KHDRBS2: variants seen among roughly 807,000 people sequenced by gnomAD.
The protein encoded by KHDRBS2 is KH domain-containing, RNA-binding, signal transduction-associated protein 2.
KHDRBS2 carries 26 observed loss-of-function variants against 44.3 expected under a neutral mutation model. The ratio of observed to expected loss-of-function variants is 0.59; its 90% confidence interval spans 0.43 to 0.81. The LOEUF is 0.81. KHDRBS2 is among the 40% of genes least tolerant of loss of function. KHDRBS2 has a pLI of 0.00. For missense variants in KHDRBS2, 476 were observed against 433.1 expected (o/e 1.10, Z -0.88); for synonymous variants, 194 against 151.1 (o/e 1.28, Z -2.08).
intron 1 of KHDRBS2, among the ~76,000 whole-genome samples, chr6:62,240,759 C>A (rs1214724798): frequency 7.4e-6 from 1 of 134,764 alleles, no homozygotes; most frequent in Non-Finnish European, 1.6e-5. Flanking sequence ...AAAACCTTTA[C>A]CATGGAAATT....
At chr6:62,178,084 A>G (rs1172837461) in intron 1 of KHDRBS2, among the ~76,000 whole-genome samples, 1 of 151,562 alleles carries the variant, frequency 6.6e-6, no homozygotes, top group Non-Finnish European at 1.5e-5. Flanking sequence ...GAACAGTGAG[A>G]AAATGAATAT....
intron 4 of KHDRBS2, among the ~76,000 whole-genome samples, chr6:61,972,615 G>T (rs903414492): frequency 6.6e-6 from 1 of 152,048 alleles, no homozygotes; most frequent in Non-Finnish European, 1.5e-5. Context: ...ATGAAGGAAT[G>T]AAATCTGGAT....
At chr6:62,098,734 C>T (rs1801208015) in intron 2 of KHDRBS2, among the ~76,000 whole-genome samples, 1 of 152,088 alleles carries the variant, frequency 6.6e-6, no homozygotes, top group Non-Finnish European at 1.5e-5. Flanking sequence ...ATTCTTTCTA[C>T]CCCTTTGACA....
At chr6:62,082,751 C>G (rs1212275193) in intron 2 of KHDRBS2, among the ~76,000 whole-genome samples, 1 of 152,028 alleles carries the variant, frequency 6.6e-6, no homozygotes, top group Non-Finnish European at 1.5e-5. Context: ...GACAATAAAG[C>G]TGAAATCTAG....
chr6:62,274,105 T>C (rs1481189170), intron 1 of KHDRBS2, among the ~76,000 whole-genome samples: 11 of 152,006 alleles, frequency 7.2e-5, no homozygotes, highest in Admixed American at 1.3e-4. Context: ...CTGGCTAATT[T>C]TTGTATTTTT....
intron 6 of KHDRBS2, among the ~76,000 whole-genome samples, chr6:61,733,540 G>A (rs147424194): frequency 0.027 from 4,105 of 151,618 alleles, 78 homozygotes; most frequent in Middle Eastern, 0.082. Context: ...AGGTTGCAAT[G>A]AGCTGAGATT....
chr6:62,066,019 T>G (rs12199820), intron 2 of KHDRBS2, among the ~76,000 whole-genome samples: 30,467 of 151,474 alleles, frequency 0.2, 3,661 homozygotes, highest in Admixed American at 0.32. Flanking sequence ...TTTTTCATCC[T>G]GTGTGGAGAG....
chr6:61,788,302 T>C (rs1043677446), intron 6 of KHDRBS2, among the ~76,000 whole-genome samples: 4 of 151,506 alleles, frequency 2.6e-5, no homozygotes, highest in African/African-American at 9.7e-5. Context: ...TTACCACTTC[T>C]AGCTTTTAAA....
At chr6:62,214,354 G>A (rs907927543) in intron 1 of KHDRBS2, among the ~76,000 whole-genome samples, 1 of 152,100 alleles carries the variant, frequency 6.6e-6, no homozygotes, top group Non-Finnish European at 1.5e-5. Context: ...TGTATTATTA[G>A]TTTTTTAAAT....
In KHDRBS2 at chr6:61,781,899, T is replaced by G. The variant is rs1248559606; in HGVS notation, c.811-49135A>C. On this transcript the variant is annotated intron_variant, in intron 6 of 8. Transcript: ENST00000281156. Reference sequence around the variant, plus strand: ...AGAGAAATGAATTGTGTCTAGGGAATGGAAACATGATACTGAGCACCTATA... The same window carrying G: ...AGAGAAATGAATTGTGTCTAGGGAAGGGAAACATGATACTGAGCACCTATA... 2.6e-5 allele frequency among the ~76,000 whole-genome samples: 4 copies of G among 152,146 alleles called. 1 individual carries two copies. The highest frequency in any genetic ancestry group is 9.7e-5 in the African/African-American group (4 of 41,436).
chr6:61,824,532 G>C (rs766359678), intron 6 of KHDRBS2, among the ~76,000 whole-genome samples: 48 of 152,100 alleles, frequency 3.2e-4, no homozygotes, highest in Non-Finnish European at 3.4e-4. Context: ...ACCGAGTCTC[G>C]GGTAGTTCTT....
intron 2 of KHDRBS2, among the ~76,000 whole-genome samples, chr6:62,067,527 G>A (rs4710652): frequency 0.83 from 125,241 of 151,292 alleles, 52,198 homozygotes; most frequent in Admixed American, 0.88. Context: ...ACAGTATAGA[G>A]CCCTCCAGAA....
intron 1 of KHDRBS2, among the ~76,000 whole-genome samples, chr6:62,278,444 C>A (rs1220350709): frequency 6.6e-6 from 1 of 152,026 alleles, no homozygotes; most frequent in Non-Finnish European, 1.5e-5. Flanking sequence ...CATAAAAAAA[C>A]CTTAAAATCA....
At chr6:62,058,496 C>T (rs1386372149) in intron 2 of KHDRBS2, among the ~76,000 whole-genome samples, 1 of 151,850 alleles carries the variant, frequency 6.6e-6, no homozygotes, top group Non-Finnish European at 1.5e-5. Context: ...CTTTAGTGCT[C>T]TATCCTTGTG....
chr6:61,673,533 T>C, the KHDRBS2 span, among the ~76,000 whole-genome samples: 3 of 145,868 alleles, frequency 2.1e-5, no homozygotes, highest in East Asian at 6.1e-4. Context: ...CCCCATCGTC[T>C]CAGCCCAAAA....
chr6:62,040,928 A>T (rs1414474832), intron 3 of KHDRBS2, among the ~76,000 whole-genome samples: 1 of 152,148 alleles, frequency 6.6e-6, no homozygotes, highest in Non-Finnish European at 1.5e-5. Context: ...AATGTCAAAT[A>T]ATTTGCAGCC....
At chr6:62,165,472 A>C (rs1250741691) in intron 2 of KHDRBS2, among the ~76,000 whole-genome samples, 2 of 151,618 alleles carry the variant, frequency 1.3e-5, no homozygotes, top group Non-Finnish European at 2.9e-5. Flanking sequence ...AAGAAATAGA[A>C]ACTTGGCTTT....
chr6:61,655,733 T>C, the KHDRBS2 span, among the ~76,000 whole-genome samples: 1 of 152,114 alleles, frequency 6.6e-6, no homozygotes, highest in Admixed American at 6.6e-5. Context: ...TAATATCCTA[T>C]TTTATAAAAC....
intron 1 of KHDRBS2, among the ~76,000 whole-genome samples, chr6:62,234,412 G>A (rs543215540): frequency 7.5e-4 from 114 of 152,050 alleles, no homozygotes; most frequent in African/African-American, 2.5e-3. Flanking sequence ...TCAATCAGTC[G>A]GAAATACTTA....
Sources: allele counts gnomAD v4.1 joint callset (sites outside exome capture counted in the v4.1 genomes callset), GRCh38; gene constraint gnomAD v4.1.1; transcripts MANE v1.5; gene names NCBI Gene and HGNC (gene_info 2026-07-23, HGNC 2026-07-21).